Variants in GRM5 observed in about 807,000 individuals in gnomAD.
The protein encoded by GRM5 is glutamate metabotropic receptor 5.
In GRM5, 19 loss-of-function variants were observed where a neutral mutation model predicts 83.1. The observed-to-expected ratio is 0.23, with a 90% CI of 0.16 to 0.34. The LOEUF (loss-of-function observed/expected upper bound fraction) is 0.34, where lower values mean the gene tolerates loss of function less well. GRM5 is among the 10% of genes least tolerant of loss of function. The pLI is 1.00. For missense variants in GRM5, 1,160 were observed against 1,588.3 expected (o/e 0.73, Z 4.58); for synonymous variants, 675 against 633.6 (o/e 1.07, Z -0.98).
At chr11:88,695,742 C>T (rs1181596010) in intron 3 of GRM5, among the ~76,000 whole-genome samples, 6 of 152,052 alleles carry the variant, frequency 3.9e-5, no homozygotes, top group Non-Finnish European at 2.9e-5. Context: ...AGTGTAGTTC[C>T]CTTATCCCTC....
At chr11:89,020,727 A>G (rs933172778) in intron 2 of GRM5, among the ~76,000 whole-genome samples, 2 of 152,220 alleles carry the variant, frequency 1.3e-5, no homozygotes, top group Admixed American at 6.5e-5. Context: ...CATTCATTAC[A>G]TATTATTCTA....
intron 3 of GRM5, among the ~76,000 whole-genome samples, chr11:88,768,928 T>A (rs1942674516): frequency 6.6e-6 from 1 of 152,042 alleles, no homozygotes; most frequent in Admixed American, 6.6e-5. Flanking sequence ...TGTAACAGAA[T>A]AAAATTTTGT....
At chr11:88,658,306 A>G (rs1353625787) in intron 3 of GRM5, among the ~76,000 whole-genome samples, 1 of 152,192 alleles carries the variant, frequency 6.6e-6, no homozygotes, top group Non-Finnish European at 1.5e-5. Flanking sequence ...AATGGTTCTT[A>G]AGATTCTGCT....
chr11:88,909,545 T>TAC (rs60637208), intron 2 of GRM5, among the ~76,000 whole-genome samples: 23,857 of 145,980 alleles, frequency 0.16, 3,633 homozygotes, highest in African/African-American at 0.38. Context: ...TCCTCACCAG[T>TAC]ACACACACAC....
intron 2 of GRM5, among the ~76,000 whole-genome samples, chr11:88,884,938 A>C (rs588325): frequency 0.62 from 94,107 of 151,940 alleles, 29,434 homozygotes; most frequent in Admixed American, 0.73. Flanking sequence ...CTTTATTACC[A>C]GCATGAGATC....
intron 9 of GRM5, among the ~76,000 whole-genome samples, chr11:88,511,531 T>C (rs1357442829): frequency 1.3e-5 from 2 of 152,202 alleles, no homozygotes; most frequent in Non-Finnish European, 2.9e-5. Flanking sequence ...TATATTGTAG[T>C]CTCATGTCCT....
rs542986326 is a variant in GRM5, at chr11:88,625,538, G to A, written c.1148-20574C>T. 3.9e-5 allele frequency among the ~76,000 whole-genome samples: 6 copies of A among 152,084 alleles called. 1 individual carries two copies. Among genetic ancestry groups the A allele is most frequent in the Middle Eastern group, 6.8e-3 (2 of 294 alleles). On this transcript the variant is annotated intron_variant, in intron 4 of 9. Transcript: ENST00000305447. ...TTAAAAATTATTAAGCACTAGCATC[G>A]TACCGGCATTATCCTATAGAATTGT...
intron 7 of GRM5, among the ~76,000 whole-genome samples, chr11:88,588,266 C>A (rs2135203795): frequency 6.6e-6 from 1 of 152,268 alleles, no homozygotes; most frequent in African/African-American, 2.4e-5. Flanking sequence ...GAGCTATGAT[C>A]TAAGTTATTG....
chr11:88,509,340 C>A lies in GRM5; in HGVS notation c.2891G>T (p.Gly964Val). The A allele has an allele frequency of 6.2e-7, 1 of 1,603,824 alleles. No individual in the cohort carries two copies. The highest frequency in any genetic ancestry group is 1.1e-5 in the South Asian group (1 of 90,128). ...KSTESRGLGA[G>V]AGAGGSAGGV... is the part of the protein sequence containing the mutation. ...CCCAGCGCTCCCGCCTGCGCCAGCG[C>A]CAGCGCCCAGGCCACGGCTCTCCGT... The change falls in exon 10 of 10, where the codon GGC becomes GTC. Residue 964 changes from glycine to valine, a missense_variant. By Grantham distance (109) the Gly-to-Val change is moderately radical. This residue lies in a region of GRM5 where 562 missense variants were observed against 532.4 expected (regional missense o/e 1.06). Transcript: ENST00000305447.
chr11:88,624,615 G>C (rs1301935328), intron 4 of GRM5, among the ~76,000 whole-genome samples: 1 of 152,182 alleles, frequency 6.6e-6, no homozygotes, highest in East Asian at 1.9e-4. Context: ...CCAGCAGTTT[G>C]AGGTTGCAGT....
At chr11:88,929,534 C>A (rs1461773510) in intron 2 of GRM5, among the ~76,000 whole-genome samples, 5 of 151,986 alleles carry the variant, frequency 3.3e-5, no homozygotes, top group African/African-American at 1.2e-4. Flanking sequence ...GTCTAATGGC[C>A]TATTTAATAC....
intron 2 of GRM5, among the ~76,000 whole-genome samples, chr11:88,974,553 T>G (rs1256494534): frequency 6.6e-6 from 1 of 152,190 alleles, no homozygotes; most frequent in Non-Finnish European, 1.5e-5. Flanking sequence ...AAGTTTATAT[T>G]AGCCATGTGA....
chr11:88,740,503 G>T (rs558843319), intron 3 of GRM5, among the ~76,000 whole-genome samples: 19 of 152,022 alleles, frequency 1.2e-4, no homozygotes, highest in African/African-American at 4.6e-4. Context: ...ACTATTAATT[G>T]TCATAGTAAC....
Position 88,558,854 on chromosome 11 carries a change from C to T in GRM5, c.2630+8199G>A, listed in dbSNP as rs1255457788. Among the ~76,000 whole-genome samples, 9 of 141,878 alleles carry T rather than the reference C, an allele frequency of 6.3e-5. No homozygotes were observed. The East Asian group carries it at 1.6e-3, about 26-fold the overall frequency. 93.1% of individuals were successfully genotyped at this position (141,878 alleles called of 152,430 possible). Reference sequence around the variant, plus strand: ...AACAAACAACACAAACACAAAACAGCATAATTCTCAAAGTATATTTATAAA... The same window carrying T: ...AACAAACAACACAAACACAAAACAGTATAATTCTCAAAGTATATTTATAAA... On this transcript the variant is annotated intron_variant, in intron 8 of 9. Coordinates refer to ENST00000305447, the MANE Select transcript of GRM5 (RefSeq NM_001143831.3).
chr11:88,670,512 A>G (rs1394928107), intron 3 of GRM5, among the ~76,000 whole-genome samples: 1 of 146,782 alleles, frequency 6.8e-6, no homozygotes, highest in African/African-American at 2.5e-5. Flanking sequence ...TGTTGTGTAT[A>G]CAGATGACAG....
chr11:88,559,330 C>T lies in GRM5; in HGVS notation c.2630+7723G>A, dbSNP rs1942703413. On this transcript the variant is annotated intron_variant, in intron 8 of 9. Transcript: ENST00000305447. ...AATCTCAGTTTTTCCTCAGTTAGGG[C>T]TGCCATGTTTGTCATAAGGGCTGGA... Among the ~76,000 whole-genome samples, 4 of 152,256 alleles carry T rather than the reference C, an allele frequency of 2.6e-5. No individual in the cohort carries two copies. The South Asian group carries it at 8.3e-4, about 32-fold the overall frequency.
chr11:89,044,149 T>C (rs1284074673), intron 2 of GRM5, among the ~76,000 whole-genome samples: 3 of 152,180 alleles, frequency 2.0e-5, no homozygotes, highest in African/African-American at 4.8e-5. Context: ...ACCCTTTACA[T>C]TTCCTTAGTG....
intron 3 of GRM5, among the ~76,000 whole-genome samples, chr11:88,777,901 A>C (rs1209595811): frequency 6.6e-6 from 1 of 152,176 alleles, no homozygotes; most frequent in African/African-American, 2.4e-5. Flanking sequence ...CAGTTAGGCT[A>C]CACAGGGGTC....
chr11:89,009,135 A>C (rs1183979777), intron 2 of GRM5: 1 of 706,644 alleles, frequency 1.4e-6, no homozygotes. Context: ...GATGTATAAG[A>C]TAAGCAAAGG....
Sources: allele counts gnomAD v4.1 joint callset (sites outside exome capture counted in the v4.1 genomes callset), GRCh38; gene constraint gnomAD v4.1.1; regional missense constraint gnomAD v4.1.1; transcripts MANE v1.5; gene names NCBI Gene and HGNC (gene_info 2026-07-23, HGNC 2026-07-21).